The following CMIP variants were observed in gnomAD, a reference collection of about 807,000 sequenced individuals.
CMIP encodes C-Maf-inducing protein.
In CMIP, 13 loss-of-function variants were observed where a neutral mutation model predicts 97.3. That is an observed-to-expected ratio of 0.13 (90% CI 0.09 to 0.21). The LOEUF (loss-of-function observed/expected upper bound fraction) is 0.21, where lower values mean the gene tolerates loss of function less well. CMIP is among the 10% of genes least tolerant of loss of function. The pLI is 1.00. For missense variants in CMIP, 847 were observed against 1,024.9 expected (o/e 0.83, Z 2.37); for synonymous variants, 538 against 436.3 (o/e 1.23, Z -2.91).
intron 10 of CMIP, among the ~76,000 whole-genome samples, chr16:81,680,239 G>T (rs139073961): frequency 6.6e-6 from 1 of 152,338 alleles, no homozygotes; most frequent in Non-Finnish European, 1.5e-5. Context: ...GTCACGCGCT[G>T]GGCAGCGTTT....
chr16:81,446,295 T>C (rs1190435688), intron 1 of CMIP, among the ~76,000 whole-genome samples: 1 of 152,118 alleles, frequency 6.6e-6, no homozygotes, highest in Non-Finnish European at 1.5e-5. Flanking sequence ...AATTTTGTTA[T>C]TGTTTTTAAA....
At chr16:81,567,140 G>T (rs923810011) in intron 1 of CMIP, among the ~76,000 whole-genome samples, 3 of 152,260 alleles carry the variant, frequency 2.0e-5, no homozygotes, top group Non-Finnish European at 4.4e-5. Flanking sequence ...AGTTTCTGTG[G>T]ATGCTCACTG....
At position 81,703,962 on chromosome 16, in the gene CMIP, G is replaced by T; in HGVS notation, c.1968G>T (p.Leu656=). 6.3e-7 allele frequency: 1 copy of T among 1,596,272 alleles called. No individual in the cohort carries two copies. The change falls in exon 18 of 21, where the codon CTG becomes CTT. Residue 656 remains leucine, a synonymous_variant. Coordinates refer to ENST00000537098, the MANE Select transcript of CMIP (RefSeq NM_198390.3). ...KSTDADLARL[L]SSGSFGNLEN... is the part of the protein sequence containing the mutation. ...AGGACGCTGACTTGGCTCGTTTGCTGAGCTCCGGCTCCTTCGGAAACCTGG... is the reference window on the plus strand; with the variant it reads ...AGGACGCTGACTTGGCTCGTTTGCTTAGCTCCGGCTCCTTCGGAAACCTGG...
intron 7 of CMIP, among the ~76,000 whole-genome samples, chr16:81,669,140 T>C (rs1207854426): frequency 1.5e-5 from 1 of 68,768 alleles, no homozygotes; most frequent in Non-Finnish European, 2.9e-5. Flanking sequence ...CCACACCCAC[T>C]TCATACCTCC....
intron 1 of CMIP, among the ~76,000 whole-genome samples, chr16:81,459,056 A>ATCACCG (rs1282840064): frequency 2.1e-5 from 3 of 141,402 alleles, no homozygotes; most frequent in South Asian, 2.3e-4. Flanking sequence ...CACCATCACC[A>ATCACCG]TCACTGTCAC....
At chr16:81,521,588 A>C (rs1051371107) in intron 1 of CMIP, among the ~76,000 whole-genome samples, 6 of 151,900 alleles carry the variant, frequency 3.9e-5, no homozygotes, top group Non-Finnish European at 7.4e-5. Flanking sequence ...TTATATTCAC[A>C]CTCTGAACCT....
intron 3 of CMIP, chr16:81,651,273 C>T (rs1369587676): frequency 1.5e-5 from 3 of 196,720 alleles, no homozygotes; most frequent in Non-Finnish European, 2.8e-5. Flanking sequence ...GGAGCCCGGG[C>T]GGGGGTGGAG....
At chr16:81,672,837 C>T (rs914974866) in intron 9 of CMIP, among the ~76,000 whole-genome samples, 1 of 152,226 alleles carries the variant, frequency 6.6e-6, no homozygotes, top group Non-Finnish European at 1.5e-5. Flanking sequence ...TTGGACCTCC[C>T]AGAATGCTGA....
chr16:81,535,069 G>A (rs757662879), intron 1 of CMIP, among the ~76,000 whole-genome samples: 9 of 152,132 alleles, frequency 5.9e-5, no homozygotes, highest in Non-Finnish European at 2.9e-5. Context: ...TCCTGCCTCA[G>A]CCTCCTGAGT....
In CMIP at chr16:81,446,963, CAA is replaced by C. The variant is rs376682067; in HGVS notation, c.300+1424_300+1425del. Among the ~76,000 whole-genome samples the C allele has an allele frequency of 3.2e-3, 484 of 152,016 alleles. 1 individual carries two copies. The highest frequency in any genetic ancestry group is 0.011 in the African/African-American group (449 of 41,476). On this transcript the variant is annotated intron_variant, in intron 1 of 20. Coordinates refer to ENST00000537098, the MANE Select transcript of CMIP (RefSeq NM_198390.3). ...TGTGGGCACGTTGGTGCAATATCTG[CAA>C]AGACTCCTTTTTCAGGGAGGATTGC...
chr16:81,537,062 A>C (rs1164077499), intron 1 of CMIP, among the ~76,000 whole-genome samples: 1 of 152,142 alleles, frequency 6.6e-6, no homozygotes, highest in African/African-American at 2.4e-5. Flanking sequence ...TTCCCATGAC[A>C]TATTAGTGTG....
At chr16:81,473,247 C>T (rs989280504) in intron 1 of CMIP, among the ~76,000 whole-genome samples, 1 of 152,216 alleles carries the variant, frequency 6.6e-6, no homozygotes, top group African/African-American at 2.4e-5. Context: ...ACTGACGTGT[C>T]TTCCTTCGTG....
At chr16:81,500,504 T>C (rs2089588540) in intron 1 of CMIP, among the ~76,000 whole-genome samples, 1 of 147,066 alleles carries the variant, frequency 6.8e-6, no homozygotes, top group African/African-American at 2.5e-5. Context: ...TCTTTTTTTT[T>C]TTTGAGATGG....
At chr16:81,649,867 A>G (rs7500611) in intron 3 of CMIP, among the ~76,000 whole-genome samples, 114,884 of 152,154 alleles carry the variant, frequency 0.76, 43,707 homozygotes, top group East Asian at 0.87. Flanking sequence ...GGTACAAACT[A>G]AAACCACAGA....
At chr16:81,568,747 C>G (rs1308207304) in intron 1 of CMIP, among the ~76,000 whole-genome samples, 1 of 152,200 alleles carries the variant, frequency 6.6e-6, no homozygotes, top group Non-Finnish European at 1.5e-5. Context: ...GGAGTTGGCT[C>G]CATAACAAAG....
chr16:81,599,904 C>T (rs575232945), intron 1 of CMIP, among the ~76,000 whole-genome samples: 124 of 152,212 alleles, frequency 8.1e-4, no homozygotes, highest in African/African-American at 2.8e-3. Context: ...ATGTTAACCA[C>T]GGGCACCTGT....
intron 1 of CMIP, among the ~76,000 whole-genome samples, chr16:81,501,634 C>CT (rs1230428771): frequency 2.8e-5 from 4 of 141,720 alleles, no homozygotes; most frequent in African/African-American, 1.1e-4. Flanking sequence ...TTTTCTGAGA[C>CT]GGTGTCTCGC....
At chr16:81,473,165 G>A (rs1367940684) in intron 1 of CMIP, among the ~76,000 whole-genome samples, 3 of 152,250 alleles carry the variant, frequency 2.0e-5, no homozygotes, top group Admixed American at 2.0e-4. Flanking sequence ...CTGCTGCACT[G>A]GTGGCCACCG....
chr16:81,669,370 C>T (rs1466933528), intron 7 of CMIP, among the ~76,000 whole-genome samples: 3 of 76,360 alleles, frequency 3.9e-5, no homozygotes, highest in East Asian at 3.5e-4. Flanking sequence ...CCACACCCAC[C>T]TCACCTTCCA....
Sources: gnomAD v4.1 joint callset for allele counts (sites outside exome capture counted in the v4.1 genomes callset) on GRCh38, gnomAD v4.1.1 for gene constraint, MANE v1.5 for transcripts, NCBI Gene and HGNC (gene_info 2026-07-23, HGNC 2026-07-21) for gene names.